APBB2: variants seen among roughly 807,000 people sequenced by gnomAD.
APBB2 encodes the protein Fe65-like 1.
Under a neutral mutation model 82.5 loss-of-function variants are expected in APBB2, and 38 were observed. The ratio of observed to expected loss-of-function variants is 0.46; its 90% CI spans 0.36 to 0.60. The LOEUF is 0.60. APBB2 is among the 20% of genes least tolerant of loss of function. APBB2 has a pLI of 0.00. For missense variants in APBB2, 772 were observed against 972.3 expected (o/e 0.79, Z 2.74); for synonymous variants, 341 against 368.2 (o/e 0.93, Z 0.85).
intron 5 of APBB2, among the ~76,000 whole-genome samples, chr4:41,026,999 G>A (rs1473311153): frequency 6.6e-6 from 1 of 152,046 alleles, no homozygotes; most frequent in Admixed American, 6.6e-5. Flanking sequence ...AATGAGATGG[G>A]GGAACCCTCA....
intron 4 of APBB2, among the ~76,000 whole-genome samples, chr4:41,033,775 T>G: frequency 6.6e-6 from 1 of 152,176 alleles, no homozygotes; most frequent in Non-Finnish European, 1.5e-5. Context: ...AAAGGGCTAA[T>G]TTCCTTTATA....
At position 40,826,229 on chromosome 4, in the gene APBB2, G is replaced by A; in HGVS notation, c.1733-259C>T. On this transcript the variant is annotated intron_variant, in intron 14 of 17. Transcript: ENST00000508593. This position sits in a 1 kb window ranked among gnomAD's most constrained non-coding sequence, Gnocchi z 4.5. The stretch of plus-strand genomic sequence containing the variant: ...GCATCTATGTGTTAAAGCTGCTACT[G>A]TCTCTTTGATGTATATTAAGTAAAG... 2.2e-6 allele frequency: 1 copy of A among 464,396 alleles called. No individual in the cohort carries two copies. Among genetic ancestry groups the A allele is most frequent in the Non-Finnish European group, 4.0e-6 (1 of 253,120 alleles). The allele number at this position is 464,396 out of a possible 1,614,324, so 28.8% of individuals were successfully genotyped here.
intron 6 of APBB2, among the ~76,000 whole-genome samples, chr4:41,008,194 T>A (rs373057619): frequency 1.3e-5 from 2 of 152,196 alleles, no homozygotes; most frequent in East Asian, 1.9e-4. Flanking sequence ...TAGGTTCAAG[T>A]CTCAGCATGG....
intron 3 of APBB2, among the ~76,000 whole-genome samples, chr4:41,068,191 T>G (rs982179484): frequency 2.6e-5 from 4 of 152,198 alleles, no homozygotes; most frequent in African/African-American, 9.7e-5. Context: ...CCTATACATA[T>G]GTACCGATGA....
At chr4:41,174,429 G>A (rs554913872) in intron 1 of APBB2, among the ~76,000 whole-genome samples, 13 of 152,158 alleles carry the variant, frequency 8.5e-5, no homozygotes, top group East Asian at 1.9e-4. Context: ...ATTAACCGGC[G>A]CATCCTACAT....
intron 1 of APBB2, among the ~76,000 whole-genome samples, chr4:41,166,332 T>C (rs1343963600): frequency 6.6e-6 from 1 of 151,776 alleles, no homozygotes; most frequent in Non-Finnish European, 1.5e-5. Flanking sequence ...GCCCAGGAGT[T>C]TGAAACCAGC....
intron 4 of APBB2, among the ~76,000 whole-genome samples, chr4:41,033,791 A>G (rs549912482): frequency 6.6e-6 from 1 of 152,350 alleles, no homozygotes; most frequent in East Asian, 1.9e-4. Flanking sequence ...TTATATAGAA[A>G]GAGTTCCTTA....
chr4:41,165,277 T>C (rs149657236), intron 1 of APBB2, among the ~76,000 whole-genome samples: 2 of 152,304 alleles, frequency 1.3e-5, no homozygotes, highest in East Asian at 3.9e-4. Context: ...AAGGACTATC[T>C]TGGATTCTCT....
chr4:40,949,971 A>G (rs553229611), intron 6 of APBB2, among the ~76,000 whole-genome samples: 1 of 152,268 alleles, frequency 6.6e-6, no homozygotes, highest in Admixed American at 6.5e-5. Context: ...TCGGCACTGG[A>G]CAGCCTAAAA....
chr4:41,180,099 T>C (rs1411963323), intron 1 of APBB2, among the ~76,000 whole-genome samples: 1 of 152,102 alleles, frequency 6.6e-6, no homozygotes, highest in African/African-American at 2.4e-5. Context: ...GCTCTCAGAA[T>C]GGACACAAAC....
chr4:40,857,191 C>T, intron 12 of APBB2: 1 of 984,716 alleles, frequency 1.0e-6, no homozygotes, highest in Non-Finnish European at 1.2e-6. Context: ...TGCGCCCTCC[C>T]TGCCCCGCCC....
chr4:41,132,799 A>C (rs1756432882), intron 2 of APBB2, among the ~76,000 whole-genome samples: 1 of 152,232 alleles, frequency 6.6e-6, no homozygotes, highest in African/African-American at 2.4e-5. Context: ...AGGACAAGAA[A>C]AACTGACAAA....
intron 5 of APBB2, among the ~76,000 whole-genome samples, chr4:41,020,316 C>G (rs1413688855): frequency 2.0e-5 from 3 of 152,132 alleles, no homozygotes; most frequent in Admixed American, 2.0e-4. Flanking sequence ...ATACAAAGGT[C>G]CAACTAGATC....
Position 40,815,856 on chromosome 4 carries a change from G to T in APBB2, c.*236C>A. 2.1e-6 allele frequency: 1 copy of T among 485,830 alleles called. No individual in the cohort carries two copies. The highest frequency in any genetic ancestry group is 3.7e-6 in the Non-Finnish European group (1 of 270,820). 30.1% of individuals were successfully genotyped at this position (485,830 alleles called of 1,614,324 possible). On this transcript the variant is annotated 3_prime_UTR_variant, in exon 18 of 18. Transcript: ENST00000508593. ...TTCACAATATTTACAATAAGAAAAA[G>T]ACCTTCCACTGCGCATGATGTAACT...
intron 2 of APBB2, among the ~76,000 whole-genome samples, chr4:41,132,739 T>C (rs1756412857): frequency 6.6e-6 from 1 of 152,220 alleles, no homozygotes; most frequent in Non-Finnish European, 1.5e-5. Flanking sequence ...GCTATCTATA[T>C]GCTTTACCAC....
chr4:40,913,611 T>G (rs950310952), intron 10 of APBB2, among the ~76,000 whole-genome samples: 2 of 152,192 alleles, frequency 1.3e-5, no homozygotes, highest in Admixed American at 1.3e-4. Flanking sequence ...TTTGTGGACA[T>G]GTACAGGGTG....
intron 12 of APBB2, chr4:40,857,112 T>A (rs978057437): frequency 2.0e-6 from 2 of 985,334 alleles, no homozygotes; most frequent in Non-Finnish European, 1.2e-6. Flanking sequence ...CAGCCAGCGG[T>A]GCCGTCGCTC....
intron 3 of APBB2, among the ~76,000 whole-genome samples, chr4:41,068,285 A>G (rs1732625337): frequency 6.6e-6 from 1 of 152,194 alleles, no homozygotes; most frequent in African/African-American, 2.4e-5. Flanking sequence ...TGTGGTCTCT[A>G]TTTCTCATAA....
chr4:41,110,092 A>G (rs528700217), intron 2 of APBB2, among the ~76,000 whole-genome samples: 1 of 150,724 alleles, frequency 6.6e-6, no homozygotes, highest in Admixed American at 6.6e-5. Flanking sequence ...CCCAGAGACC[A>G]CCTTTCTTTC....
Sources: allele counts gnomAD v4.1 joint callset (sites outside exome capture counted in the v4.1 genomes callset), GRCh38; gene constraint gnomAD v4.1.1; non-coding constraint Gnocchi (gnomAD v3.1); transcripts MANE v1.5; gene names NCBI Gene and HGNC (gene_info 2026-07-23, HGNC 2026-07-21).